ZNRF1: variants seen among roughly 807,000 people sequenced by gnomAD.
ZNRF1 encodes zinc and ring finger 1.
Under a neutral mutation model 18.4 loss-of-function variants are expected in ZNRF1, and 3 were observed. The observed-to-expected ratio is 0.16, with a 90% CI of 0.07 to 0.42. The LOEUF is 0.42. ZNRF1 is among the 10% of genes least tolerant of loss of function. The pLI, the probability that ZNRF1 is intolerant of heterozygous loss-of-function variation, is 0.99. For missense variants in ZNRF1, 310 were observed against 329.8 expected (o/e 0.94, Z 0.47); for synonymous variants, 157 against 144.2 (o/e 1.09, Z -0.64).
chr16:74,999,990 G>T lies in ZNRF1; in HGVS notation c.319G>T (p.Gly107Cys). 1 of 1,586,010 alleles carries T rather than the reference G, an allele frequency of 6.3e-7. No individual in the cohort carries two copies. ...CCATGGCAATGGTTACCAGGAGACG[G>T]GCGGCGGTCACCATAGAGACGGGAT... Reference protein sequence around the residue: ...YAHGNGYQETGGGHHRDGMLY... With the variant: ...YAHGNGYQETCGGHHRDGMLY... Residue 107 changes from glycine to cysteine, a missense_variant, in exon 1 of 5, where the codon GGC becomes TGC. Around this residue, in one of 2 missense-constraint regions of ZNRF1, gnomAD observed 293 missense variants for 291.2 expected, o/e 1.01. Transcript: ENST00000335325.
At chr16:75,058,193 G>C (rs969326578) in intron 1 of ZNRF1, among the ~76,000 whole-genome samples, 12 of 149,196 alleles carry the variant, frequency 8.0e-5, no homozygotes, top group African/African-American at 3.0e-4. Context: ...GGCTGATCTC[G>C]AACTCCTGGT....
chr16:75,048,224 T>C (rs765622122), intron 1 of ZNRF1, among the ~76,000 whole-genome samples: 1 of 152,192 alleles, frequency 6.6e-6, no homozygotes, highest in Non-Finnish European at 1.5e-5. Flanking sequence ...GTGCTGGGAT[T>C]ACAGACATGA....
intron 1 of ZNRF1, among the ~76,000 whole-genome samples, chr16:75,025,632 C>T (rs2035212320): frequency 6.6e-6 from 1 of 152,160 alleles, no homozygotes; most frequent in African/African-American, 2.4e-5. Flanking sequence ...AATAAGCCAG[C>T]AAAGAGCTCG....
intron 1 of ZNRF1, among the ~76,000 whole-genome samples, chr16:75,042,449 T>TC (rs2035461668): frequency 6.7e-6 from 1 of 149,262 alleles, no homozygotes; most frequent in Non-Finnish European, 1.5e-5. Flanking sequence ...CTTTCTTTTT[T>TC]TTTTTTTTTT....
chr16:75,010,711 G>GTTTTTGTTTTTTTT (rs2034986440), intron 1 of ZNRF1, among the ~76,000 whole-genome samples: 2 of 74,324 alleles, frequency 2.7e-5, no homozygotes, highest in Non-Finnish European at 6.3e-5. Flanking sequence ...GTTTTTTTTT[G>GTTTTTGTTTTTTTT]TTTTTTTGTT....
chr16:75,013,213 A>C (rs1323096118), intron 1 of ZNRF1, among the ~76,000 whole-genome samples: 2 of 152,202 alleles, frequency 1.3e-5, no homozygotes, highest in East Asian at 3.8e-4. Context: ...GGAGTTCAGA[A>C]CACAGAGAAA....
At chr16:75,045,907 T>A (rs11646773) in intron 1 of ZNRF1, among the ~76,000 whole-genome samples, 18,398 of 151,646 alleles carry the variant, frequency 0.12, 1,376 homozygotes, top group Non-Finnish European at 0.17. Flanking sequence ...CTTTTTTTTT[T>A]ATTTTTATTT....
chr16:75,013,689 G>A (rs1241704399), intron 1 of ZNRF1, among the ~76,000 whole-genome samples: 1 of 151,952 alleles, frequency 6.6e-6, no homozygotes, highest in East Asian at 1.9e-4. Context: ...TTAGTCCTGC[G>A]GTTACTAAAT....
At chr16:75,021,464 T>C (rs1198504184) in intron 1 of ZNRF1, among the ~76,000 whole-genome samples, 2 of 152,262 alleles carry the variant, frequency 1.3e-5, no homozygotes, top group Non-Finnish European at 2.9e-5. Context: ...TCATACTTCA[T>C]CCTTTTGAGT....
intron 1 of ZNRF1, among the ~76,000 whole-genome samples, chr16:75,015,923 T>TTC (rs1409966170): frequency 6.8e-6 from 1 of 147,064 alleles, no homozygotes; most frequent in African/African-American, 2.5e-5. Flanking sequence ...TTTCTTTTCT[T>TTC]TTTTTTTTTT....
intron 1 of ZNRF1, among the ~76,000 whole-genome samples, chr16:75,002,983 C>T (rs189075301): frequency 1.1e-4 from 16 of 152,284 alleles, no homozygotes; most frequent in Admixed American, 9.8e-4. Context: ...GACAGAGTTT[C>T]GCTCTTGTTG....
chr16:75,085,290 C>G (rs1475107927), intron 1 of ZNRF1, among the ~76,000 whole-genome samples: 1 of 152,182 alleles, frequency 6.6e-6, no homozygotes, highest in Non-Finnish European at 1.5e-5. Context: ...TAATTAGAAT[C>G]ATGTGTGCAC....
chr16:75,073,910 A>G lies in ZNRF1; in HGVS notation c.425-19662A>G, dbSNP rs76344942. Among the ~76,000 whole-genome samples the G allele has an allele frequency of 3.6e-3, 547 of 152,180 alleles. 2 individuals are homozygous for G. Among genetic ancestry groups the G allele is most frequent in the African/African-American group, 0.013 (524 of 41,528 alleles). ...GTTCACTTCTGAGGACTCAGAAAAC[A>G]TGATTATGTCCCTTTTCTCTTGCTA... On this transcript the variant is annotated intron_variant, in intron 1 of 4. Coordinates refer to ENST00000335325, the MANE Select transcript of ZNRF1 (RefSeq NM_032268.5).
At chr16:75,010,075 C>G (rs576048101) in intron 1 of ZNRF1, among the ~76,000 whole-genome samples, 1 of 152,006 alleles carries the variant, frequency 6.6e-6, no homozygotes, top group Non-Finnish European at 1.5e-5. Context: ...CTCTGCCCCC[C>G]GGGTTCAAGC....
Position 75,110,994 on chromosome 16 carries a change from C to T in ZNRF1, c.*3294C>T, listed in dbSNP as rs1597916836. The stretch of plus-strand genomic sequence containing the variant: ...CAGAAACGTCACGGAGGAGTAGCCT[C>T]CAGGCTCAGGTTGGTGTAACTGCTG... On this transcript the variant is annotated 3_prime_UTR_variant, in exon 5 of 5. Coordinates refer to ENST00000335325, the MANE Select transcript of ZNRF1 (RefSeq NM_032268.5). 3 of 152,260 alleles carry T rather than the reference C, an allele frequency of 2.0e-5. No individual in the cohort carries two copies. The South Asian group carries it at 6.2e-4, about 32-fold the overall frequency. The allele number at this position is 152,260 out of a possible 1,614,324, so 9.4% of individuals were successfully genotyped here. A position where few individuals can be genotyped will look rare whatever the true frequency, so the allele number is the denominator to read the frequency against.
At chr16:75,068,657 C>T (rs937768470) in intron 1 of ZNRF1, among the ~76,000 whole-genome samples, 1 of 152,064 alleles carries the variant, frequency 6.6e-6, no homozygotes, top group South Asian at 2.1e-4. Flanking sequence ...GCCTCCGAGA[C>T]CAGCTGCTGC....
intron 2 of ZNRF1, among the ~76,000 whole-genome samples, chr16:75,099,400 C>G (rs995037528): frequency 2.0e-5 from 3 of 152,186 alleles, no homozygotes; most frequent in African/African-American, 7.2e-5. Flanking sequence ...CACCCCCAGC[C>G]CATCACAGGC....
intron 1 of ZNRF1, among the ~76,000 whole-genome samples, chr16:75,031,645 T>C (rs2035305811): frequency 6.6e-6 from 1 of 152,120 alleles, no homozygotes; most frequent in South Asian, 2.1e-4. Flanking sequence ...TAACTGGGAC[T>C]ACAGGCGCTT....
At chr16:75,011,996 G>A (rs867009670) in intron 1 of ZNRF1, among the ~76,000 whole-genome samples, 2 of 152,198 alleles carry the variant, frequency 1.3e-5, no homozygotes, top group South Asian at 2.1e-4. Flanking sequence ...TAATGAAACA[G>A]TGTGAGTCAT....
Sources: gnomAD v4.1 joint callset for allele counts (sites outside exome capture counted in the v4.1 genomes callset) on GRCh38, gnomAD v4.1.1 for gene constraint, gnomAD v4.1.1 regional missense constraint, MANE v1.5 for transcripts, NCBI Gene and HGNC (gene_info 2026-07-23, HGNC 2026-07-21) for gene names.